Variants in NDUFA10 observed in about 807,000 individuals in gnomAD.
NDUFA10 encodes NADH dehydrogenase [ubiquinone] 1 alpha subcomplex subunit 10, mitochondrial.
Under a neutral mutation model 47.8 loss-of-function variants are expected in NDUFA10, and 40 were observed. The observed-to-expected ratio is 0.84, with a 90% CI of 0.65 to 1.09. NDUFA10 has a LOEUF of 1.09. Among genes scored for constraint, NDUFA10 ranks in the 50% least tolerant of loss-of-function variants. NDUFA10 has a pLI of 0.00. For missense variants in NDUFA10, 413 were observed against 451.1 expected (o/e 0.92, Z 0.76); for synonymous variants, 183 against 172.2 (o/e 1.06, Z -0.49).
intron 4 of NDUFA10, among the ~76,000 whole-genome samples, chr2:239,935,904 G>A (rs1056273175): frequency 1.2e-4 from 18 of 152,312 alleles, no homozygotes; most frequent in East Asian, 1.9e-4. Context: ...GGTCTTGACC[G>A]GGTATGTCTT....
At position 239,985,078 on chromosome 2, in the gene NDUFA10, T is replaced by C. The variant is rs538978182; in HGVS notation, c.999+4996A>G. The stretch of plus-strand genomic sequence containing the variant: ...AAAGCGCATCCTCTCCAGGGTGAGA[T>C]GACTCCAGGCAAAGTCTCCACAAAA... On this transcript the variant is annotated intron_variant, in intron 9 of 9. Transcript: ENST00000252711. 1.4e-4 allele frequency among the ~76,000 whole-genome samples: 21 copies of C among 152,218 alleles called. No individual in the cohort carries two copies. The South Asian group carries it at 3.7e-3, about 27-fold the overall frequency.
At chr2:239,900,998 T>C (rs1574764403) in intron 4 of NDUFA10, among the ~76,000 whole-genome samples, 1 of 152,202 alleles carries the variant, frequency 6.6e-6, no homozygotes, top group Non-Finnish European at 1.5e-5. Context: ...CAACAGACTT[T>C]CAATGTAGAA....
chr2:239,938,226 C>A (rs1439294506), intron 4 of NDUFA10, among the ~76,000 whole-genome samples: 2 of 152,218 alleles, frequency 1.3e-5, no homozygotes, highest in Non-Finnish European at 2.9e-5. Flanking sequence ...ATGTAGCTCA[C>A]AGCACCGTGA....
At chr2:239,896,370 C>T (rs1693396769) in intron 4 of NDUFA10, among the ~76,000 whole-genome samples, 1 of 152,196 alleles carries the variant, frequency 6.6e-6, no homozygotes, top group Admixed American at 6.5e-5. Flanking sequence ...AGTGCAAGGC[C>T]CCATGAGATT....
rs139645949 is a variant in NDUFA10 at position 239,931,108 on chromosome 2, C to G, written c.295-35794G>C. Among the ~76,000 whole-genome samples the G allele has an allele frequency of 4.3e-3, 651 of 152,270 alleles. 5 individuals carry two copies. Among genetic ancestry groups the G allele is most frequent in the African/African-American group, 0.015 (622 of 41,540 alleles). ...TTTGCTAAATTGAGTGCTTCTGGTC[C>G]CATTGGCTTTTCCCTGTGAGCATCT... On this transcript the variant is annotated intron_variant, in intron 4 of 5. Transcript: ENST00000419408.
intron 4 of NDUFA10, among the ~76,000 whole-genome samples, chr2:239,923,920 T>C (rs1694028419): frequency 1.3e-5 from 2 of 152,106 alleles, no homozygotes; most frequent in Admixed American, 1.3e-4. Flanking sequence ...ACAGGTGATA[T>C]TACTACAGAC....
chr2:240,015,065 G>C (rs1268420531), intron 4 of NDUFA10, among the ~76,000 whole-genome samples: 2 of 152,258 alleles, frequency 1.3e-5, no homozygotes, highest in African/African-American at 4.8e-5. Context: ...GGCATGTGCA[G>C]ACAGCAGCTG....
chr2:240,003,333 C>A (rs1471198654), intron 8 of NDUFA10, among the ~76,000 whole-genome samples: 2 of 152,204 alleles, frequency 1.3e-5, no homozygotes, highest in South Asian at 2.1e-4. Context: ...AAGAACAGAG[C>A]TGCCATCTGT....
intron 8 of NDUFA10, among the ~76,000 whole-genome samples, chr2:240,003,418 C>T (rs187720631): frequency 5.9e-5 from 9 of 152,338 alleles, no homozygotes; most frequent in Non-Finnish European, 7.3e-5. Context: ...CTTGTGCCTC[C>T]AGGCCCTCGA....
chr2:239,899,423 GGTGTGATGGAGGAATGTGGAGGGT>G (rs1693495732), intron 4 of NDUFA10, among the ~76,000 whole-genome samples: 1 of 137,056 alleles, frequency 7.3e-6, no homozygotes, highest in Non-Finnish European at 1.6e-5. Flanking sequence ...GTGATGGAGG[GGTGTGATGGAGGAATGTGGAGGGT>G]TGTGATGGAG....
intron 4 of NDUFA10, among the ~76,000 whole-genome samples, chr2:239,941,387 G>A (rs984716964): frequency 1.3e-5 from 2 of 152,148 alleles, no homozygotes; most frequent in African/African-American, 4.8e-5. Context: ...GCACAGAACT[G>A]CGGCTGTTCC....
chr2:239,901,211 A>G (rs765158313), intron 4 of NDUFA10, among the ~76,000 whole-genome samples: 2 of 152,132 alleles, frequency 1.3e-5, no homozygotes, highest in Non-Finnish European at 2.9e-5. Flanking sequence ...ATGCTCTACA[A>G]ATGAAACAAC....
At chr2:239,947,488 T>C (rs1694473973) in intron 4 of NDUFA10, among the ~76,000 whole-genome samples, 1 of 152,138 alleles carries the variant, frequency 6.6e-6, no homozygotes, top group African/African-American at 2.4e-5. Flanking sequence ...TGCTACCAGA[T>C]ACAGACAGGG....
chr2:239,940,831 C>G (rs1021712097), intron 4 of NDUFA10, among the ~76,000 whole-genome samples: 1 of 152,200 alleles, frequency 6.6e-6, no homozygotes, highest in Admixed American at 6.5e-5. Flanking sequence ...ACAGAACATT[C>G]CCGTCTATAT....
intron 4 of NDUFA10, among the ~76,000 whole-genome samples, chr2:239,947,185 C>T (rs566072237): frequency 6.6e-6 from 1 of 152,228 alleles, no homozygotes; most frequent in African/African-American, 2.4e-5. Context: ...GGGGCCGTCC[C>T]GCCTGCTCAC....
intron 6 of NDUFA10, among the ~76,000 whole-genome samples, chr2:240,008,224 A>G (rs1697018368): frequency 6.6e-6 from 1 of 152,230 alleles, no homozygotes; most frequent in Non-Finnish European, 1.5e-5. Flanking sequence ...ACACAAGTCT[A>G]TAACTCACAA....
chr2:239,898,729 A>G (rs1423075777), intron 4 of NDUFA10, among the ~76,000 whole-genome samples: 2 of 152,224 alleles, frequency 1.3e-5, no homozygotes, highest in African/African-American at 4.8e-5. Flanking sequence ...GCAGGTGTCA[A>G]CTCTGCATCA....
Position 239,960,974 on chromosome 2 carries a change from G to A in NDUFA10, c.*144C>T. On this transcript the variant is annotated 3_prime_UTR_variant, in exon 10 of 10. Coordinates refer to ENST00000252711, the MANE Select transcript of NDUFA10 (RefSeq NM_004544.4). ...CATTACCTATACTACAGGATGGATT[G>A]CTTTTTGTGAGACCCCTTCTTCCAC... is the stretch of plus-strand genomic sequence containing the variant. 6.5e-7 allele frequency: 1 copy of A among 1,538,938 alleles called. No individual in the cohort carries two copies. The highest frequency in any genetic ancestry group is 8.8e-7 in the Non-Finnish European group (1 of 1,142,072).
chr2:239,961,545 G>A (rs1194189008), intron 9 of NDUFA10, among the ~76,000 whole-genome samples: 1 of 151,804 alleles, frequency 6.6e-6, no homozygotes, highest in African/African-American at 2.4e-5. Flanking sequence ...GCAGACACAG[G>A]GGTGGGGCTG....
Sources: gnomAD v4.1 joint callset for allele counts (sites outside exome capture counted in the v4.1 genomes callset) on GRCh38, gnomAD v4.1.1 for gene constraint, MANE v1.5 for transcripts, NCBI Gene and HGNC (gene_info 2026-07-23, HGNC 2026-07-21) for gene names.